The following MYH11 variants were observed in gnomAD, a reference collection of about 807,000 sequenced individuals.
MYH11 encodes the protein myosin-11.
Under a neutral mutation model 246.6 loss-of-function variants are expected in MYH11, and 80 were observed. The observed-to-expected ratio is 0.32, with a 90% confidence interval of 0.27 to 0.39. The LOEUF is 0.39. Among genes scored for constraint, MYH11 ranks in the 10% least tolerant of loss-of-function variants. The pLI, the probability that MYH11 is intolerant of heterozygous loss-of-function variation, is 1.00. For synonymous variants in MYH11, 1,071 were observed against 1,015.5 expected, an observed-to-expected ratio of 1.05 and a Z score of -1.04; for missense variants, 2,158 against 2,546.8, an observed-to-expected ratio of 0.85 and a Z score of 3.29.
At position 15,741,825 on chromosome 16, in the gene MYH11, T is replaced by C. The variant is rs2041282396; in HGVS notation, c.2587A>G (p.Lys863Glu). The change falls in exon 21 of 41, where the codon AAG becomes GAG. Residue 863 changes from lysine to glutamate, a missense_variant. By Grantham distance (56) the Lys-to-Glu change is moderately conservative (BLOSUM62 1). Transcript: ENST00000300036. ...GCCTTCTGCTGCCGCTCCTTGGTCT[T>C]CTGCAGTTCATCCTCCTTGGCCTGC... ...EMQAKEDELQ[K>E]TKERQQKAEN... The C allele has an allele frequency of 2.5e-6, 4 of 1,614,244 alleles. No individual in the cohort carries two copies. The highest frequency in any genetic ancestry group is 2.5e-6 in the Non-Finnish European group (3 of 1,180,042).
chr16:15,735,023 C>T (rs902992396), intron 26 of MYH11, among the ~76,000 whole-genome samples: 2 of 151,610 alleles, frequency 1.3e-5, no homozygotes, highest in African/African-American at 4.8e-5. Flanking sequence ...CTACTAAAAA[C>T]AAAAAATTAG....
chr16:15,714,914 C>T lies in MYH11; in HGVS notation c.5781G>A (p.Lys1927=), dbSNP rs2040034216. The part of the protein sequence containing the change: ...MGREVNALKS[K]LRRGNETSFV... Reference sequence around the variant, plus strand: ...CCGGGCCACGGGCTCCTCACCTGAGCTTGCTCTTGAGTGCGTTCACCTCGC... The same window carrying T: ...CCGGGCCACGGGCTCCTCACCTGAGTTTGCTCTTGAGTGCGTTCACCTCGC... The change falls in exon 40 of 41, where the codon AAG becomes AAA. Residue 1927 remains lysine (K), a synonymous_variant. Transcript: ENST00000300036. The T allele has an allele frequency of 6.2e-7, 1 of 1,613,894 alleles. No homozygotes were observed. The highest frequency in any genetic ancestry group is 2.2e-5 in the East Asian group (1 of 44,884).
intron 4 of MYH11, among the ~76,000 whole-genome samples, chr16:15,790,501 G>A (rs1037371266): frequency 6.6e-6 from 1 of 152,106 alleles, no homozygotes; most frequent in African/African-American, 2.4e-5. Flanking sequence ...AATTGCCCTG[G>A]GAGGTTCTGC....
intron 9 of MYH11, among the ~76,000 whole-genome samples, chr16:15,764,610 C>A (rs2041941415): frequency 6.6e-6 from 1 of 152,126 alleles, no homozygotes; most frequent in South Asian, 2.1e-4. Flanking sequence ...CTAATCGATG[C>A]TGTTAGAAGT....
Position 15,823,361 on chromosome 16 carries a change from G to A in MYH11, c.396C>T (p.Pro132=), listed in dbSNP as rs768040429. 20 of 1,614,052 alleles carry A rather than the reference G, an allele frequency of 1.2e-5. No homozygotes were observed. Among genetic ancestry groups the A allele is most frequent in the Non-Finnish European group, 1.7e-5 (20 of 1,180,052 alleles). Residue 132 remains proline (P), a synonymous_variant, in exon 3 of 41, where the codon CCC becomes CCT. Transcript: ENST00000300036. ...CVVVNPYKHL[P]IYSEKIVDMY... ...TGTCGACGATCTTCTCCGAGTAGATGGGCAGGTGTTTATAGGGGTTGACCA... is the reference window on the plus strand; with the variant it reads ...TGTCGACGATCTTCTCCGAGTAGATAGGCAGGTGTTTATAGGGGTTGACCA...
chr16:15,813,606 T>C (rs1054573558), intron 3 of MYH11, among the ~76,000 whole-genome samples: 1 of 152,108 alleles, frequency 6.6e-6, no homozygotes, highest in Non-Finnish European at 1.5e-5. Context: ...ATGAGAGAAT[T>C]CCCATGAGAA....
chr16:15,810,890 G>C (rs988908222), intron 3 of MYH11, among the ~76,000 whole-genome samples: 3 of 152,178 alleles, frequency 2.0e-5, no homozygotes, highest in East Asian at 3.9e-4. Context: ...ATCTAGGGAA[G>C]AGGTTATAGA....
intron 9 of MYH11, among the ~76,000 whole-genome samples, chr16:15,767,117 G>A (rs533983164): frequency 2.0e-5 from 3 of 152,190 alleles, no homozygotes; most frequent in East Asian, 1.9e-4. Context: ...TAGAGGATGG[G>A]TTCATGGATG....
intron 38 of MYH11, among the ~76,000 whole-genome samples, chr16:15,715,834 C>T (rs372286847): frequency 3.4e-4 from 52 of 151,922 alleles, no homozygotes; most frequent in African/African-American, 9.4e-4. Flanking sequence ...TTCATAGAAA[C>T]GGAGTCTCTG....
chr16:15,775,545 G>A (rs1283436006), intron 8 of MYH11, among the ~76,000 whole-genome samples: 1 of 152,182 alleles, frequency 6.6e-6, no homozygotes, highest in Non-Finnish European at 1.5e-5. Context: ...TTGAATAGCT[G>A]TGCCAGAAGC....
In MYH11 at chr16:15,823,351, C is replaced by T; in HGVS notation, c.406G>A (p.Glu136Lys). ...NPYKHLPIYS[E>K]KIVDMYKGKK... is the part of the protein sequence containing the mutation. Reference sequence around the variant, plus strand: ...CCCTTGTACATGTCGACGATCTTCTCCGAGTAGATGGGCAGGTGTTTATAG... The same window carrying T: ...CCCTTGTACATGTCGACGATCTTCTTCGAGTAGATGGGCAGGTGTTTATAG... Residue 136 changes from glutamate (E) to lysine (K), a missense_variant, in exon 3 of 41, where the codon GAG becomes AAG. Around this residue, in one of 11 missense-constraint regions of MYH11, gnomAD observed 34 missense variants for 25.6 expected, o/e 1.33. Transcript: ENST00000300036. 6.2e-7 allele frequency: 1 copy of T among 1,614,162 alleles called. No individual in the cohort carries two copies.
At chr16:15,718,218 G>A (rs2040269586) in intron 37 of MYH11, 97 bp downstream of exon 37, 5 of 1,585,508 alleles carry the variant, frequency 3.2e-6, no homozygotes, top group Admixed American at 1.7e-5. Context: ...TCCAGGGCCT[G>A]CACACAGGAA....
At position 15,750,729 on chromosome 16, in the gene MYH11, C is replaced by T. The variant is rs1488881810; in HGVS notation, c.1865-398G>A. Among the ~76,000 whole-genome samples, 2 of 152,104 alleles carry T rather than the reference C, an allele frequency of 1.3e-5. No individual in the cohort carries two copies. Among genetic ancestry groups the T allele is most frequent in the Non-Finnish European group, 2.9e-5 (2 of 68,022 alleles). ...CACTTATTCCCTGCCAGCCTCCAATCTTTCATCCACCAACAAATAGTTATT... is the reference window on the plus strand; with the variant it reads ...CACTTATTCCCTGCCAGCCTCCAATTTTTCATCCACCAACAAATAGTTATT... On this transcript the variant is annotated intron_variant, in intron 15 of 40. Coordinates refer to ENST00000300036, the MANE Select transcript of MYH11 (RefSeq NM_002474.3). This position sits in a 1 kb window ranked among gnomAD's most constrained non-coding sequence, Gnocchi z 4.3.
At chr16:15,843,733 G>C (rs1299541159) in intron 1 of MYH11, among the ~76,000 whole-genome samples, 1 of 151,624 alleles carries the variant, frequency 6.6e-6, no homozygotes, top group African/African-American at 2.4e-5. Context: ...AAGAAAGAAA[G>C]GGTCTTGGCA....
At chr16:15,731,484 T>C (rs942143590) in intron 27 of MYH11, among the ~76,000 whole-genome samples, 1 of 150,372 alleles carries the variant, frequency 6.7e-6, no homozygotes, top group African/African-American at 2.5e-5. Context: ...GCATTTCTAT[T>C]CATTCTTTTT....
rs200315340 is a variant in MYH11, at chr16:15,737,546, C to T, written c.3196G>A (p.Asp1066Asn). 3.7e-4 allele frequency: 594 copies of T among 1,614,018 alleles called. 5 individuals are homozygous for T. The highest frequency in any genetic ancestry group is 1.6e-4 in the Middle Eastern group (1 of 6,062). ...AGGTCAGCGATCTGCTCGTGGAAGT[C>T]GCTGGCATCACCCTCCAGCTTCCGT... ...LKRKLEGDAS[D>N]FHEQIADLQA... The change falls in exon 25 of 41, where the codon GAC (aspartate) becomes AAC (asparagine). Residue 1066 changes from aspartate to asparagine, a missense_variant. By Grantham distance (23) the Asp-to-Asn change is conservative. Around this residue, in one of 11 missense-constraint regions of MYH11, gnomAD observed 284 missense variants for 315.4 expected, o/e 0.90. Coordinates refer to ENST00000300036, the MANE Select transcript of MYH11 (RefSeq NM_002474.3).
intron 12 of MYH11, among the ~76,000 whole-genome samples, chr16:15,758,333 G>T (rs1437722914): frequency 6.6e-6 from 1 of 152,178 alleles, no homozygotes. Flanking sequence ...GGCGCAGAGA[G>T]AAAGTGACTC....
intron 40 of MYH11, among the ~76,000 whole-genome samples, chr16:15,704,470 G>GA (rs902991031): frequency 9.9e-5 from 15 of 152,078 alleles, no homozygotes; most frequent in Non-Finnish European, 1.9e-4. Context: ...TTTAGAATAG[G>GA]AAAAAAACGC....
At chr16:15,754,079 T>TGGCTAATTACA (rs2041648696) in intron 14 of MYH11, among the ~76,000 whole-genome samples, 1 of 149,278 alleles carries the variant, frequency 6.7e-6, no homozygotes, top group African/African-American at 2.5e-5. Context: ...TAGCCAGGCA[T>TGGCTAATTACA]GGTGGTGCAC....
Sources: gnomAD v4.1 joint callset for allele counts (sites outside exome capture counted in the v4.1 genomes callset) on GRCh38, gnomAD v4.1.1 for gene constraint, gnomAD v4.1.1 regional missense constraint, Gnocchi (gnomAD v3.1) non-coding constraint, MANE v1.5 for transcripts, NCBI Gene and HGNC (gene_info 2026-07-23, HGNC 2026-07-21) for gene names.